Variants in LRP5 observed in about 807,000 individuals in gnomAD.
The protein encoded by LRP5 is LDL receptor related protein 5.
Under a neutral mutation model 154.1 loss-of-function variants are expected in LRP5, and 62 were observed. The ratio of observed to expected loss-of-function variants is 0.40; its 90% CI spans 0.33 to 0.50. The LOEUF is 0.50. LRP5 is among the 20% of genes least tolerant of loss of function. LRP5 has a pLI of 0.55. For missense variants in LRP5, 1,915 were observed against 2,336.7 expected (o/e 0.82, Z 3.72); for synonymous variants, 966 against 1,011.5 (o/e 0.96, Z 0.85).
chr11:68,383,856 T>A (rs1353397941), intron 5 of LRP5, among the ~76,000 whole-genome samples: 4 of 152,112 alleles, frequency 2.6e-5, no homozygotes, highest in Non-Finnish European at 5.9e-5. Context: ...GACCTGGGCC[T>A]TGAAGGACAG....
At chr11:68,427,346 G>A (rs963450649) in intron 16 of LRP5, among the ~76,000 whole-genome samples, 5 of 152,016 alleles carry the variant, frequency 3.3e-5, no homozygotes, top group Admixed American at 6.6e-5. Context: ...GACCAGCCTG[G>A]GCAACATGGT....
rs933614739 is a variant in LRP5, at chr11:68,368,448, G to T, written c.1015+2746G>T. 3.9e-4 allele frequency among the ~76,000 whole-genome samples: 59 copies of T among 152,382 alleles called. 1 individual carries two copies. The highest frequency in any genetic ancestry group is 1.3e-3 in the African/African-American group (56 of 41,598). On this transcript the variant is annotated intron_variant, in intron 5 of 22. Coordinates refer to ENST00000294304, the MANE Select transcript of LRP5 (RefSeq NM_002335.4). Reference sequence around the variant, plus strand: ...GGCTTTGAGGCAGGAGCATGCTGGTGTTGGGACCGACTTCACGGGCTGTGT... The same window carrying T: ...GGCTTTGAGGCAGGAGCATGCTGGTTTTGGGACCGACTTCACGGGCTGTGT...
chr11:68,362,967 G>A (rs1565346368), intron 3 of LRP5, among the ~76,000 whole-genome samples: 1 of 152,076 alleles, frequency 6.6e-6, no homozygotes, highest in South Asian at 2.1e-4. Flanking sequence ...TACCGACCAC[G>A]TCACATTATG....
At chr11:68,370,166 G>A (rs1016406015) in intron 5 of LRP5, among the ~76,000 whole-genome samples, 1 of 152,154 alleles carries the variant, frequency 6.6e-6, no homozygotes, top group Non-Finnish European at 1.5e-5. Flanking sequence ...ATAGACTTAG[G>A]TGGAGCCCCT....
At chr11:68,436,711 C>A (rs899736147) in intron 18 of LRP5, among the ~76,000 whole-genome samples, 178 bp from the exon 19 acceptor site, 2 of 152,222 alleles carry the variant, frequency 1.3e-5, no homozygotes, top group African/African-American at 4.8e-5. Context: ...GTGGCATAGG[C>A]CTCGCCACAG....
the LRP5 span, among the ~76,000 whole-genome samples, chr11:68,300,390 T>C: frequency 6.7e-6 from 1 of 149,250 alleles, no homozygotes; most frequent in South Asian, 2.1e-4. Flanking sequence ...ATCCCTGTTC[T>C]GGCCCTTGCT....
intron 1 of LRP5, among the ~76,000 whole-genome samples, chr11:68,319,320 G>A (rs1331940154): frequency 5.3e-5 from 8 of 151,652 alleles, no homozygotes; most frequent in Non-Finnish European, 7.4e-5. Context: ...TGCCTGCCTC[G>A]GCCTCCCAAA....
Position 68,339,330 on chromosome 11 carries a change from C to T in LRP5, c.92-8517C>T, listed in dbSNP as rs572751458. On this transcript the variant is annotated intron_variant, in intron 1 of 22. Transcript: ENST00000294304. ...AGAGCTGGGATTACAGGGACCCACC[C>T]GCCACCACACCTGGCTAATTTTTTC... Among the ~76,000 whole-genome samples the T allele has an allele frequency of 2.7e-4, 40 of 150,526 alleles. 1 individual carries two copies. In the East Asian group the frequency reaches 5.9e-3, roughly 22 times the overall value.
Position 68,446,459 on chromosome 11 carries a change from G to A in LRP5, c.4512G>A (p.Pro1504=), listed in dbSNP as rs776673862. ...YPPILNPPPS[P]ATDPSLYNMD... ...AGATCCTGAACCCGCCGCCCTCCCC[G>A]GCCACGGACCCCTCCCTGTACAACA... Residue 1504 remains proline, a synonymous_variant, in exon 22 of 23, where the codon CCG becomes CCA. Coordinates refer to ENST00000294304, the MANE Select transcript of LRP5 (RefSeq NM_002335.4). 6.2e-6 allele frequency: 10 copies of A among 1,613,878 alleles called. 1 individual carries two copies. Among genetic ancestry groups the A allele is most frequent in the Admixed American group, 3.3e-5 (2 of 60,002 alleles).
At chr11:68,358,777 A>AT (rs2098625322) in intron 3 of LRP5, among the ~76,000 whole-genome samples, 2 of 152,354 alleles carry the variant, frequency 1.3e-5, no homozygotes, top group South Asian at 2.1e-4. Flanking sequence ...CCTTATAGAA[A>AT]CATCCCTTCT....
chr11:68,303,830 C>G, the LRP5 span, among the ~76,000 whole-genome samples: 1 of 152,202 alleles, frequency 6.6e-6, no homozygotes, highest in African/African-American at 2.4e-5. Context: ...AGATGTGGCC[C>G]AGCTTCTTTG....
intron 7 of LRP5, among the ~76,000 whole-genome samples, chr11:68,394,761 GC>G (rs1287796269): frequency 2.0e-5 from 3 of 152,148 alleles, no homozygotes; most frequent in African/African-American, 7.2e-5. Flanking sequence ...ACCGCGCCCG[GC>G]CCGATTTCCC....
intron 5 of LRP5, among the ~76,000 whole-genome samples, chr11:68,378,426 G>A (rs2098638569): frequency 6.6e-6 from 1 of 151,836 alleles, no homozygotes; most frequent in Non-Finnish European, 1.5e-5. Context: ...ATGAGCCGTC[G>A]GTACCCACAC....
At chr11:68,307,973 T>C (rs1326170365), upstream of LRP5, among the ~76,000 whole-genome samples, 1 of 152,258 alleles carries the variant, frequency 6.6e-6, no homozygotes, top group Non-Finnish European at 1.5e-5. Flanking sequence ...ATCCAGCCTG[T>C]GTCCTTCACA....
chr11:68,362,152 A>G (rs1189392304), intron 3 of LRP5, among the ~76,000 whole-genome samples: 2 of 152,234 alleles, frequency 1.3e-5, no homozygotes, highest in African/African-American at 2.4e-5. Flanking sequence ...ACATGGTGCC[A>G]AGTCAAAGAA....
chr11:68,434,806 T>C (rs1247503036), intron 18 of LRP5, among the ~76,000 whole-genome samples: 1 of 152,218 alleles, frequency 6.6e-6, no homozygotes, highest in Non-Finnish European at 1.5e-5. Context: ...CTCTGTTAGA[T>C]AATTCACATG....
chr11:68,415,474 G>A (rs978711008), intron 12 of LRP5, among the ~76,000 whole-genome samples: 6 of 152,052 alleles, frequency 3.9e-5, no homozygotes, highest in South Asian at 4.1e-4. Context: ...GGCTGGACAC[G>A]GTGGCTCATG....
intron 1 of LRP5, among the ~76,000 whole-genome samples, chr11:68,326,702 A>T (rs1591178077): frequency 6.6e-6 from 1 of 152,236 alleles, no homozygotes; most frequent in Non-Finnish European, 1.5e-5. Context: ...ATGAGAGCAG[A>T]CCCTGCGAAG....
chr11:68,404,648 GT>G (rs1439746345), intron 8 of LRP5, among the ~76,000 whole-genome samples: 1 of 152,134 alleles, frequency 6.6e-6, no homozygotes, highest in East Asian at 1.9e-4. Context: ...CATGAATTTA[GT>G]TTTCCCAGCC....
Sources: allele counts gnomAD v4.1 joint callset (sites outside exome capture counted in the v4.1 genomes callset), GRCh38; gene constraint gnomAD v4.1.1; transcripts MANE v1.5; gene names NCBI Gene and HGNC (gene_info 2026-07-23, HGNC 2026-07-21).